Variants in NDUFB9 observed in about 807,000 individuals in gnomAD.
NDUFB9 encodes the protein NADH dehydrogenase [ubiquinone] 1 beta subcomplex subunit 9.
In NDUFB9, 24 loss-of-function variants were observed where a neutral mutation model predicts 30.2. The observed-to-expected ratio is 0.80, with a 90% confidence interval of 0.58 to 1.12. NDUFB9 has a LOEUF of 1.12. Among genes scored for constraint, NDUFB9 ranks in the 50% most tolerant of loss-of-function variants. The pLI is 0.00. For synonymous variants in NDUFB9, 80 were observed against 84.0 expected (o/e 0.95, Z 0.26); for missense variants, 204 against 226.0 (o/e 0.90, Z 0.62).
At chr8:124,549,453 T>C (rs1387594258) in intron 3 of NDUFB9, among the ~76,000 whole-genome samples, 2 of 152,082 alleles carry the variant, frequency 1.3e-5, no homozygotes, top group South Asian at 2.1e-4. Flanking sequence ...ATGATAGTTG[T>C]CATTTTTCTG....
chr8:124,548,776 G>A (rs944593259), intron 3 of NDUFB9, among the ~76,000 whole-genome samples: 5 of 152,178 alleles, frequency 3.3e-5, no homozygotes, highest in African/African-American at 9.7e-5. Flanking sequence ...ATGCAGAGAG[G>A]GAAGGCCAAG....
At chr8:124,544,903 G>A (rs2131609311) in intron 2 of NDUFB9, among the ~76,000 whole-genome samples, 1 of 152,304 alleles carries the variant, frequency 6.6e-6, no homozygotes, top group Non-Finnish European at 1.5e-5. Flanking sequence ...AAATGCCATT[G>A]AGGATATTTA....
intron 2 of NDUFB9, 168 bp from the exon 3 acceptor site, chr8:124,546,832 C>A: frequency 1.5e-6 from 1 of 674,106 alleles, no homozygotes; most frequent in Non-Finnish European, 2.7e-6. Context: ...TTTATCTTTG[C>A]TTCCTACTTA....
At chr8:124,544,736 C>G (rs934833220) in intron 2 of NDUFB9, among the ~76,000 whole-genome samples, 6 of 152,224 alleles carry the variant, frequency 3.9e-5, no homozygotes. Context: ...TCTGCTAACA[C>G]AACATCCATT....
At chr8:124,541,063 G>A (rs1821962901) in intron 1 of NDUFB9, among the ~76,000 whole-genome samples, 1 of 152,138 alleles carries the variant, frequency 6.6e-6, no homozygotes, top group Non-Finnish European at 1.5e-5. Flanking sequence ...CTACTCATGA[G>A]GCTGAGGCAG....
rs545661823 is a variant in NDUFB9 at position 124,546,153 on chromosome 8, C to T, written c.295-847C>T. On this transcript the variant is annotated intron_variant, in intron 2 of 3. Coordinates refer to ENST00000276689, the MANE Select transcript of NDUFB9 (RefSeq NM_005005.3). Reference sequence around the variant, plus strand: ...CACTGCACCTGGCCTAAATTATGTACATTTTTTATGTATATTATGTGAGGT... The same window carrying T: ...CACTGCACCTGGCCTAAATTATGTATATTTTTTATGTATATTATGTGAGGT... Among the ~76,000 whole-genome samples the T allele has an allele frequency of 1.2e-4, 19 of 152,332 alleles. 1 individual carries two copies. In the South Asian group the frequency reaches 3.9e-3, roughly 32 times the overall value.
At chr8:124,545,836 T>C (rs985726320) in intron 2 of NDUFB9, among the ~76,000 whole-genome samples, 3 of 152,040 alleles carry the variant, frequency 2.0e-5, no homozygotes, top group African/African-American at 7.2e-5. Flanking sequence ...ACCAATAATG[T>C]ATTTTTAAAT....
At position 124,549,825 on chromosome 8, in the gene NDUFB9, G is replaced by A. The variant is rs1822297566; in HGVS notation, c.473G>A (p.Arg158Gln). ...GPLTEALPPA[R>Q]KEGDLPPLWW... ...TTAACTGAAGCTTTGCCCCCTGCCC[G>A]AAAGGAAGGTGATTTGCCCCCACTG... The change falls in exon 4 of 4, where the codon CGA becomes CAA. Residue 158 changes from arginine to glutamine, a missense_variant. By Grantham distance (43) the Arg-to-Gln change is conservative (BLOSUM62 1). Coordinates refer to ENST00000276689, the MANE Select transcript of NDUFB9 (RefSeq NM_005005.3). 5 of 1,614,160 alleles carry A rather than the reference G, an allele frequency of 3.1e-6. No homozygotes were observed. The highest frequency in any genetic ancestry group is 1.7e-4 in the Middle Eastern group (1 of 6,060).
At chr8:124,547,512 G>A (rs1822191923) in intron 3 of NDUFB9, 3 of 495,760 alleles carry the variant, frequency 6.1e-6, no homozygotes, top group South Asian at 2.4e-5. Context: ...AGGGGAAGAG[G>A]AGAAGCAGAG....
chr8:124,545,750 G>A (rs553410947), intron 2 of NDUFB9, among the ~76,000 whole-genome samples: 80 of 152,188 alleles, frequency 5.3e-4, no homozygotes, highest in Non-Finnish European at 9.1e-4. Context: ...GGCTGGTCTG[G>A]AACTCCTACC....
At position 124,543,096 on chromosome 8, in the gene NDUFB9, C is replaced by T. The variant is rs778604920; in HGVS notation, c.111C>T (p.Tyr37=). 1 of 1,613,994 alleles carries T rather than the reference C, an allele frequency of 6.2e-7. No homozygotes were observed. Among genetic ancestry groups the T allele is most frequent in the African/African-American group, 1.3e-5 (1 of 74,902 alleles). Residue 37 remains tyrosine (Y), a synonymous_variant, in exon 2 of 4, where the codon TAC becomes TAT. Transcript: ENST00000276689. ...LESWCVQRDK[Y]RYFACLMRAR... ...ATCATTTTGGTTTAAGAGACAAATA[C>T]CGATACTTTGCTTGTTTGATGAGAG...
At chr8:124,544,193 A>G (rs1759734761) in intron 2 of NDUFB9, among the ~76,000 whole-genome samples, 1 of 152,234 alleles carries the variant, frequency 6.6e-6, no homozygotes, top group Non-Finnish European at 1.5e-5. Flanking sequence ...CAAGTCTTTA[A>G]CTCTTCATTT....
At chr8:124,541,567 T>G (rs1169841441) in intron 1 of NDUFB9, among the ~76,000 whole-genome samples, 1 of 152,218 alleles carries the variant, frequency 6.6e-6, no homozygotes, top group Non-Finnish European at 1.5e-5. Context: ...ATTGCCACTG[T>G]TTTACAGAGG....
chr8:124,547,799 T>C (rs1224472510), intron 3 of NDUFB9, among the ~76,000 whole-genome samples: 1 of 152,064 alleles, frequency 6.6e-6, no homozygotes, highest in African/African-American at 2.4e-5. Flanking sequence ...CTGACTAACA[T>C]GGTGAAACCC....
Position 124,543,254 on chromosome 8 carries a change from C to T in NDUFB9, c.269C>T (p.Ser90Phe), listed in dbSNP as rs1350921819. 6.2e-7 allele frequency: 1 copy of T among 1,614,066 alleles called. No individual in the cohort carries two copies. The highest frequency in any genetic ancestry group is 1.7e-5 in the Admixed American group (1 of 60,020). ...YIFPDSPGGT[S>F]YERYDCYKVP... is the part of the protein sequence containing the mutation. ...TTCCCTGACTCTCCTGGGGGCACCT[C>T]CTATGAGAGATACGATTGCTACAAG... The change falls in exon 2 of 4, where the codon TCC (serine) becomes TTC (phenylalanine). Residue 90 changes from serine (S) to phenylalanine (F), a missense_variant. Coordinates refer to ENST00000276689, the MANE Select transcript of NDUFB9 (RefSeq NM_005005.3).
At chr8:124,540,275 T>G (rs7836847) in intron 1 of NDUFB9, among the ~76,000 whole-genome samples, 13 of 150,536 alleles carry the variant, frequency 8.6e-5, no homozygotes, top group African/African-American at 2.9e-4. Context: ...CCTTATTTAT[T>G]TATTGATTTG....
chr8:124,549,774 A>G lies in NDUFB9; in HGVS notation c.422A>G (p.Gln141Arg), dbSNP rs1188858737. The part of the protein sequence containing the change: ...ESWEREVKQL[Q>R]EETPPGGPLT... ...GCCTCCTTCTAGGTTAAGCAGCTGC[A>G]GGAGGAAACGCCACCTGGTGGTCCT... The change falls in exon 4 of 4, where the codon CAG becomes CGG. Residue 141 changes from glutamine (Q) to arginine (R), a missense_variant. By Grantham distance (43) the Gln-to-Arg change is conservative. Transcript: ENST00000276689. The G allele has an allele frequency of 1.2e-6, 2 of 1,614,048 alleles. No homozygotes were observed. Among genetic ancestry groups the G allele is most frequent in the Non-Finnish European group, 1.7e-6 (2 of 1,180,032 alleles).
intron 2 of NDUFB9, 93 bp downstream of exon 2, chr8:124,543,372 G>T: frequency 3.0e-6 from 4 of 1,324,312 alleles, no homozygotes; most frequent in Non-Finnish European, 3.2e-6. Context: ...CCCTTCAAGG[G>T]GTAGCTAGGA....
rs373851767 is a variant in NDUFB9 at position 124,539,270 on chromosome 8, G to A, written c.84G>A (p.Glu28=). Residue 28 remains glutamate (E), a synonymous_variant, in exon 1 of 4, where the codon GAG becomes GAA. Coordinates refer to ENST00000276689, the MANE Select transcript of NDUFB9 (RefSeq NM_005005.3). ...RLYKRALRHL[E]SWCVQRDKYR... Reference sequence around the variant, plus strand: ...ATAAGCGGGCGCTACGCCACCTCGAGTCGTGGTGCGTCCAGAGGTAAGGGA... The same window carrying A: ...ATAAGCGGGCGCTACGCCACCTCGAATCGTGGTGCGTCCAGAGGTAAGGGA... The A allele has an allele frequency of 2.2e-4, 353 of 1,614,078 alleles. No individual in the cohort carries two copies. The highest frequency in any genetic ancestry group is 2.9e-4 in the Non-Finnish European group (337 of 1,180,036).
Sources: gnomAD v4.1 joint callset for allele counts (sites outside exome capture counted in the v4.1 genomes callset) on GRCh38, gnomAD v4.1.1 for gene constraint, MANE v1.5 for transcripts, NCBI Gene and HGNC (gene_info 2026-07-23, HGNC 2026-07-21) for gene names.